Variants in ATP10B observed in about 807,000 individuals in gnomAD.
ATP10B encodes ATPase phospholipid transporting 10B (putative).
ATP10B carries 122 observed loss-of-function variants against 141.2 expected under a neutral mutation model. The ratio of observed to expected loss-of-function variants is 0.86; its 90% CI spans 0.75 to 1.00. ATP10B has a LOEUF of 1.00. ATP10B is among the 50% of genes least tolerant of loss of function. The pLI is 0.00. For synonymous variants in ATP10B, 685 were observed against 692.0 expected, an observed-to-expected ratio of 0.99 and a Z score of 0.16; for missense variants, 1,876 against 1,825.3, an observed-to-expected ratio of 1.03 and a Z score of -0.51.
intron 2 of ATP10B, among the ~76,000 whole-genome samples, chr5:160,724,343 G>C (rs1766193368): frequency 1.5e-5 from 2 of 134,802 alleles, no homozygotes; most frequent in Admixed American, 1.6e-4. Flanking sequence ...CTGTAACTTT[G>C]ACCTACAGGC....
At chr5:160,887,418 G>C in the ATP10B span, among the ~76,000 whole-genome samples, 2 of 152,026 alleles carry the variant, frequency 1.3e-5, no homozygotes, top group African/African-American at 4.8e-5. Flanking sequence ...TTATATCCAT[G>C]GTTGCTTGAA....
chr5:160,806,820 A>G (rs948523196), intron 1 of ATP10B, among the ~76,000 whole-genome samples: 3 of 152,218 alleles, frequency 2.0e-5, no homozygotes, highest in African/African-American at 7.2e-5. Flanking sequence ...ATCTTGGGAA[A>G]TATGTATTCT....
intron 3 of ATP10B, among the ~76,000 whole-genome samples, chr5:160,708,497 C>T (rs542609052): frequency 6.6e-6 from 1 of 152,288 alleles, no homozygotes; most frequent in African/African-American, 2.4e-5. Context: ...ACAAATGCTT[C>T]TTAATTGTCC....
chr5:160,702,483 A>C (rs1430674439), intron 3 of ATP10B, among the ~76,000 whole-genome samples: 1 of 152,238 alleles, frequency 6.6e-6, no homozygotes, highest in Non-Finnish European at 1.5e-5. Flanking sequence ...TGTAATTAAC[A>C]ATGTGTATGA....
At chr5:160,717,435 C>T (rs1765726308) in intron 2 of ATP10B, among the ~76,000 whole-genome samples, 1 of 152,202 alleles carries the variant, frequency 6.6e-6, no homozygotes. Flanking sequence ...AATTTTCTCT[C>T]TTCCTGTAGA....
At chr5:160,920,972 A>AATT in the ATP10B span, among the ~76,000 whole-genome samples, 1 of 152,138 alleles carries the variant, frequency 6.6e-6, no homozygotes, top group African/African-American at 2.4e-5. Context: ...AGGTTTAATA[A>AATT]ATTATTATTA....
At chr5:160,874,096 A>G in the ATP10B span, among the ~76,000 whole-genome samples, 3 of 152,044 alleles carry the variant, frequency 2.0e-5, no homozygotes, top group Non-Finnish European at 4.4e-5. Context: ...ACAGACAAAC[A>G]AAAAGACAGC....
upstream of ATP10B, among the ~76,000 whole-genome samples, chr5:160,856,037 A>G (rs975206306): frequency 6.6e-6 from 1 of 151,866 alleles, no homozygotes; most frequent in Non-Finnish European, 1.5e-5. Context: ...TTTTTTTTCA[A>G]AATTGTTTTA....
Position 160,717,054 on chromosome 5 carries a change from A to C in ATP10B, c.-330-20T>G. ...CAAGTTCTGTAAGCAAGAAAAGAAAATATTGAGTAGGCAACTAACAGTTCA... is the reference window on the plus strand; with the variant it reads ...CAAGTTCTGTAAGCAAGAAAAGAAACTATTGAGTAGGCAACTAACAGTTCA... On this transcript the variant is annotated intron_variant, in intron 2 of 25. Coordinates refer to ENST00000327245, the MANE Select transcript of ATP10B (RefSeq NM_025153.3). 1.0e-6 allele frequency: 1 copy of C among 985,306 alleles called. No homozygotes were observed. The highest frequency in any genetic ancestry group is 1.7e-5 in the African/African-American group (1 of 57,372). 61.0% of individuals were successfully genotyped at this position (985,306 alleles called of 1,614,324 possible).
At chr5:160,595,878 T>G (rs988542950) in intron 22 of ATP10B, among the ~76,000 whole-genome samples, 4 of 151,330 alleles carry the variant, frequency 2.6e-5, no homozygotes, top group East Asian at 1.9e-4. Flanking sequence ...AATAACAGGC[T>G]CTGAAATTGT....
intron 7 of ATP10B, among the ~76,000 whole-genome samples, chr5:160,661,100 C>T (rs1761879228): frequency 1.3e-5 from 2 of 152,044 alleles, no homozygotes; most frequent in Admixed American, 6.6e-5. Context: ...GCAAGGGAAT[C>T]GCTTGAACCT....
At chr5:160,663,011 T>C (rs1762050065) in intron 7 of ATP10B, among the ~76,000 whole-genome samples, 1 of 152,192 alleles carries the variant, frequency 6.6e-6, no homozygotes, top group African/African-American at 2.4e-5. Flanking sequence ...AAGAAGACAT[T>C]GATGCAGCCA....
At chr5:160,927,815 G>A in the ATP10B span, among the ~76,000 whole-genome samples, 1 of 152,248 alleles carries the variant, frequency 6.6e-6, no homozygotes, top group Non-Finnish European at 1.5e-5. Context: ...TTCAGATTGT[G>A]ATAGGCATTA....
chr5:160,850,359 G>T (rs1439402018), intron 1 of ATP10B, among the ~76,000 whole-genome samples: 1 of 152,128 alleles, frequency 6.6e-6, no homozygotes, highest in Non-Finnish European at 1.5e-5. Context: ...AGGAGGCAGA[G>T]GTTGCATTGA....
chr5:160,633,756 T>C (rs562942281), intron 12 of ATP10B: 2 of 48,234 alleles, frequency 4.1e-5, no homozygotes, highest in Non-Finnish European at 8.2e-5. Context: ...TGTGGGGGGG[T>C]GGGGAGGGGA....
At chr5:160,891,332 G>T in the ATP10B span, among the ~76,000 whole-genome samples, 1 of 152,116 alleles carries the variant, frequency 6.6e-6, no homozygotes, top group Non-Finnish European at 1.5e-5. Context: ...CCATCAGTAT[G>T]TGTCCTTCAC....
chr5:160,620,906 C>T lies in ATP10B; in HGVS notation c.1857G>A (p.Glu619=), dbSNP rs758068294. 5.0e-6 allele frequency: 8 copies of T among 1,614,048 alleles called. No individual in the cohort carries two copies. Among genetic ancestry groups the T allele is most frequent in the Non-Finnish European group, 5.1e-6 (6 of 1,180,024 alleles). ...ACTTCTGGAAGAGCTGCTGAATCTT[C>T]TCCAGGGACGTCCCCAGAGCCTTGC... ...PSSKALGTSL[E]KIQQLFQKLK... Residue 619 remains glutamate, a synonymous_variant, in exon 15 of 26, where the codon GAG becomes GAA. Transcript: ENST00000327245.
Position 160,632,126 on chromosome 5 carries a change from T to TA in ATP10B, c.1620+2dup. The TA allele has an allele frequency of 6.2e-7, 1 of 1,609,382 alleles. No homozygotes were observed. The highest frequency in any genetic ancestry group is 8.5e-7 in the Non-Finnish European group (1 of 1,176,426). ...CAGTTCAAAGGCAAAAGTCAGGACT[T>TA]ACTATGGAGCTGCTGAAGGCCACAG... On this transcript the variant is annotated splice_region_variant and intron_variant, in intron 13 of 25. Transcript: ENST00000327245.
rs191881375 is a variant in ATP10B, at chr5:160,572,174, C to T, written c.3751-2491G>A. On this transcript the variant is annotated intron_variant, in intron 24 of 25. Transcript: ENST00000327245. The stretch of plus-strand genomic sequence containing the variant: ...GTCATTGCTTTCTTGTCAGCTTGCT[C>T]ATGCTTTTAAAGAGTTTTTTTTTCC... 3.0e-3 allele frequency among the ~76,000 whole-genome samples: 378 copies of T among 124,636 alleles called. 1 individual carries two copies. The highest frequency in any genetic ancestry group is 6.5e-3 in the South Asian group (22 of 3,408). The allele number at this position is 124,636 out of a possible 152,430, so 81.8% of individuals were successfully genotyped here.
Sources: gnomAD v4.1 joint callset for allele counts (sites outside exome capture counted in the v4.1 genomes callset) on GRCh38, gnomAD v4.1.1 for gene constraint, MANE v1.5 for transcripts, NCBI Gene and HGNC (gene_info 2026-07-23, HGNC 2026-07-21) for gene names.